CDC123: variants seen among roughly 807,000 people sequenced by gnomAD.
CDC123 encodes the protein translation initiation factor eIF2 assembly protein.
Under a neutral mutation model 54.4 loss-of-function variants are expected in CDC123, and 37 were observed. The ratio of observed to expected loss-of-function variants is 0.68; its 90% confidence interval spans 0.52 to 0.89. The LOEUF (loss-of-function observed/expected upper bound fraction) is 0.89, where lower values mean the gene tolerates loss of function less well. Among genes scored for constraint, CDC123 ranks in the 40% least tolerant of loss-of-function variants. The pLI is 0.00. For missense variants in CDC123, 361 were observed against 412.1 expected, an observed-to-expected ratio of 0.88 and a Z score of 1.07; for synonymous variants, 144 against 136.8, an observed-to-expected ratio of 1.05 and a Z score of -0.37.
At chr10:12,234,171 T>C (rs1835944796) in intron 7 of CDC123, among the ~76,000 whole-genome samples, 1 of 152,242 alleles carries the variant, frequency 6.6e-6, no homozygotes, top group Non-Finnish European at 1.5e-5. Context: ...CTCGGCTCAC[T>C]GCAACCTCCG....
At chr10:12,220,587 C>T (rs541663273) in intron 6 of CDC123, among the ~76,000 whole-genome samples, 4 of 152,336 alleles carry the variant, frequency 2.6e-5, no homozygotes, top group Non-Finnish European at 4.4e-5. Flanking sequence ...AGCAATTAAT[C>T]GGTTGCATAA....
At chr10:12,228,410 T>G (rs1312525966) in intron 6 of CDC123, among the ~76,000 whole-genome samples, 1 of 8,772 alleles carries the variant, frequency 1.1e-4, no homozygotes. Flanking sequence ...TTGTTTTTAG[T>G]TTTTTTTTTT....
intron 6 of CDC123, among the ~76,000 whole-genome samples, chr10:12,227,918 G>C (rs1183003741): frequency 6.6e-6 from 1 of 152,142 alleles, no homozygotes; most frequent in African/African-American, 2.4e-5. Context: ...AAAATAATTA[G>C]TTAATTTTTA....
intron 7 of CDC123, 55 bp from the exon 8 acceptor site, chr10:12,234,993 A>G (rs1047246574): frequency 2.3e-6 from 3 of 1,332,028 alleles, no homozygotes; most frequent in African/African-American, 1.4e-5. Context: ...AAAATTGCCT[A>G]GTAGACCTTA....
chr10:12,218,172 A>G (rs1489140903), intron 6 of CDC123, among the ~76,000 whole-genome samples: 2 of 152,104 alleles, frequency 1.3e-5, no homozygotes, highest in Admixed American at 1.3e-4. Flanking sequence ...AGATAAATAT[A>G]ATATAAATAC....
intron 2 of CDC123, among the ~76,000 whole-genome samples, chr10:12,204,601 A>G (rs904392081): frequency 1.3e-5 from 2 of 152,330 alleles, no homozygotes; most frequent in East Asian, 3.9e-4. Flanking sequence ...CCATCCCCTC[A>G]AGCATTTATT....
intron 6 of CDC123, among the ~76,000 whole-genome samples, chr10:12,221,713 A>G (rs1835738947): frequency 6.7e-6 from 1 of 149,566 alleles, no homozygotes; most frequent in African/African-American, 2.5e-5. Context: ...TTTAATTTGT[A>G]TTTATTTATT....
At chr10:12,217,124 C>T (rs899844007) in intron 5 of CDC123, among the ~76,000 whole-genome samples, 2 of 152,114 alleles carry the variant, frequency 1.3e-5, no homozygotes, top group Non-Finnish European at 2.9e-5. Flanking sequence ...GTACTTAGGC[C>T]TGGGCTGAAA....
intron 2 of CDC123, among the ~76,000 whole-genome samples, chr10:12,201,667 G>A (rs1384187499): frequency 6.6e-6 from 1 of 152,196 alleles, no homozygotes; most frequent in Non-Finnish European, 1.5e-5. Flanking sequence ...TTAGGGGTGT[G>A]TGTGGGAGTC....
At chr10:12,201,120 T>G (rs1013749868) in intron 2 of CDC123, among the ~76,000 whole-genome samples, 1 of 152,248 alleles carries the variant, frequency 6.6e-6, no homozygotes, top group South Asian at 2.1e-4. Context: ...TTTCTAGCCC[T>G]TCCCTCTGTG....
chr10:12,238,767 C>T (rs1836013740), intron 10 of CDC123, among the ~76,000 whole-genome samples: 1 of 151,964 alleles, frequency 6.6e-6, no homozygotes, highest in Admixed American at 6.6e-5. Flanking sequence ...CACCTGTAAC[C>T]CCAGCACTTT....
At chr10:12,221,182 C>T (rs939060765) in intron 6 of CDC123, among the ~76,000 whole-genome samples, 1 of 151,552 alleles carries the variant, frequency 6.6e-6, no homozygotes, top group African/African-American at 2.4e-5. Context: ...TAACAGAAGC[C>T]GAAAATAGCT....
chr10:12,211,172 G>C (rs188443095), intron 4 of CDC123, among the ~76,000 whole-genome samples: 2 of 152,098 alleles, frequency 1.3e-5, no homozygotes, highest in African/African-American at 4.8e-5. Flanking sequence ...TTAAATGAAG[G>C]TATTTTTAAA....
At chr10:12,221,569 T>G (rs1835736904) in intron 6 of CDC123, among the ~76,000 whole-genome samples, 1 of 152,202 alleles carries the variant, frequency 6.6e-6, no homozygotes, top group African/African-American at 2.4e-5. Flanking sequence ...GCAGAATTGC[T>G]GTGATTCGTT....
intron 2 of CDC123, among the ~76,000 whole-genome samples, chr10:12,201,060 G>A (rs564671859): frequency 1.3e-5 from 2 of 152,334 alleles, no homozygotes; most frequent in South Asian, 2.1e-4. Context: ...GCATGGCATG[G>A]TGCTGTTTCT....
intron 6 of CDC123, among the ~76,000 whole-genome samples, chr10:12,228,518 A>G (rs967319283): frequency 3.3e-5 from 5 of 149,270 alleles, no homozygotes; most frequent in South Asian, 4.2e-4. Flanking sequence ...CAGTTCTCCT[A>G]TCTCAGCCTC....
At chr10:12,236,886 G>A (rs546881207) in intron 8 of CDC123, among the ~76,000 whole-genome samples, 3 of 117,804 alleles carry the variant, frequency 2.5e-5, no homozygotes, top group East Asian at 2.5e-4. Context: ...GTGAGACTCC[G>A]TCTCAAAACA....
chr10:12,200,820 C>A (rs1182890927), intron 2 of CDC123, among the ~76,000 whole-genome samples: 1 of 152,130 alleles, frequency 6.6e-6, no homozygotes, highest in Non-Finnish European at 1.5e-5. Context: ...CTGATTCCTA[C>A]TACTCGGGAA....
At position 12,207,269 on chromosome 10, in the gene CDC123, A is replaced by T. The variant is rs578001078; in HGVS notation, c.147-2698A>T. ...TTGTAGGTAATTATTTTTCCATTCTATTGAATTTTAAAATTTCAACTATCA... is the reference window on the plus strand; with the variant it reads ...TTGTAGGTAATTATTTTTCCATTCTTTTGAATTTTAAAATTTCAACTATCA... On this transcript the variant is annotated intron_variant, in intron 2 of 12. Transcript: ENST00000281141. Among the ~76,000 whole-genome samples the T allele has an allele frequency of 3.3e-5, 5 of 151,868 alleles. No individual in the cohort carries two copies. In the South Asian group the frequency reaches 8.3e-4, roughly 25 times the overall value.
Sources: allele counts gnomAD v4.1 joint callset (sites outside exome capture counted in the v4.1 genomes callset), GRCh38; gene constraint gnomAD v4.1.1; transcripts MANE v1.5; gene names NCBI Gene and HGNC (gene_info 2026-07-23, HGNC 2026-07-21).